Variants in CLSTN2 observed in about 807,000 individuals in gnomAD.
CLSTN2 encodes calsyntenin 2, also known as calsyntenin-2.
In CLSTN2, 48 loss-of-function variants were observed where a neutral mutation model predicts 101.2. The ratio of observed to expected loss-of-function variants is 0.47; its 90% CI spans 0.38 to 0.60. CLSTN2 has a LOEUF of 0.60. Ranked by LOEUF, CLSTN2 falls within the 20% of genes least tolerant of loss-of-function variation. The pLI, the probability that CLSTN2 is intolerant of heterozygous loss-of-function variation, is 0.00. For synonymous variants in CLSTN2, 481 were observed against 463.6 expected (o/e 1.04, Z -0.48); for missense variants, 1,160 against 1,238.2 (o/e 0.94, Z 0.95).
chr3:140,151,029 A>G (rs1448382520), intron 1 of CLSTN2, among the ~76,000 whole-genome samples: 1 of 151,940 alleles, frequency 6.6e-6, no homozygotes, highest in Non-Finnish European at 1.5e-5. Context: ...GATCTTCACA[A>G]TGGAAGGCCT....
chr3:140,228,677 AC>A (rs1266750972), intron 2 of CLSTN2, among the ~76,000 whole-genome samples: 1 of 152,200 alleles, frequency 6.6e-6, no homozygotes, highest in Non-Finnish European at 1.5e-5. Flanking sequence ...AATTCAACTT[AC>A]AGTTCCACGT....
intron 2 of CLSTN2, among the ~76,000 whole-genome samples, chr3:140,250,694 C>T (rs569957805): frequency 2.7e-3 from 410 of 152,226 alleles, no homozygotes; most frequent in Middle Eastern, 6.8e-3. Flanking sequence ...GATGAGCCTT[C>T]GCCAGGGATA....
intron 1 of CLSTN2, among the ~76,000 whole-genome samples, chr3:140,172,209 T>A (rs2010249075): frequency 6.7e-6 from 1 of 149,108 alleles, no homozygotes; most frequent in African/African-American, 2.5e-5. Flanking sequence ...ATATCCAGAC[T>A]TCTGTGAGGG....
At chr3:140,147,771 G>T (rs576092990) in intron 1 of CLSTN2, among the ~76,000 whole-genome samples, 1 of 152,086 alleles carries the variant, frequency 6.6e-6, no homozygotes, top group South Asian at 2.1e-4. Flanking sequence ...TTCCCTCCTC[G>T]CAACCCCTAA....
At chr3:140,332,172 C>T (rs1576519058) in intron 2 of CLSTN2, among the ~76,000 whole-genome samples, 2 of 152,180 alleles carry the variant, frequency 1.3e-5, no homozygotes, top group African/African-American at 4.8e-5. Context: ...ATTACCTGAG[C>T]TGTCTTAACA....
At chr3:139,946,918 A>C (rs1038830195) in intron 1 of CLSTN2, among the ~76,000 whole-genome samples, 5 of 152,148 alleles carry the variant, frequency 3.3e-5, no homozygotes, top group Non-Finnish European at 7.3e-5. Context: ...GAACTAGAAG[A>C]CTCAAGGCAG....
At chr3:140,108,210 A>G (rs1164262132) in intron 1 of CLSTN2, among the ~76,000 whole-genome samples, 1 of 152,230 alleles carries the variant, frequency 6.6e-6, no homozygotes, top group East Asian at 1.9e-4. Context: ...GCTGACACTG[A>G]CCATTTCCAA....
intron 2 of CLSTN2, among the ~76,000 whole-genome samples, chr3:140,267,666 G>A (rs947176618): frequency 6.6e-6 from 1 of 152,154 alleles, no homozygotes; most frequent in Non-Finnish European, 1.5e-5. Flanking sequence ...CAGAAGTTTT[G>A]CTGTGCCCCA....
intron 2 of CLSTN2, among the ~76,000 whole-genome samples, chr3:140,177,008 G>A (rs2107829408): frequency 6.6e-6 from 1 of 152,308 alleles, no homozygotes; most frequent in East Asian, 1.9e-4. Context: ...TAAGAGATAA[G>A]CTTTGTGAAG....
intron 1 of CLSTN2, among the ~76,000 whole-genome samples, chr3:140,041,647 C>T (rs939553156): frequency 6.6e-6 from 1 of 152,194 alleles, no homozygotes; most frequent in African/African-American, 2.4e-5. Flanking sequence ...GGCTTCCATG[C>T]TTTGCACATG....
intron 2 of CLSTN2, among the ~76,000 whole-genome samples, chr3:140,269,974 C>T (rs1415307747): frequency 6.6e-6 from 1 of 152,092 alleles, no homozygotes; most frequent in African/African-American, 2.4e-5. Flanking sequence ...AGAAAGAAAA[C>T]AAGAAAGAGG....
At chr3:140,016,938 G>A (rs192268411) in intron 1 of CLSTN2, among the ~76,000 whole-genome samples, 193 of 152,220 alleles carry the variant, frequency 1.3e-3, no homozygotes, top group Middle Eastern at 3.4e-3. Flanking sequence ...AAGTTTTAGG[G>A]GAGTCAAAAG....
chr3:140,553,921 G>T (rs1935753206), intron 10 of CLSTN2, among the ~76,000 whole-genome samples: 1 of 152,098 alleles, frequency 6.6e-6, no homozygotes, highest in African/African-American at 2.4e-5. Context: ...ACAAGTGAAA[G>T]AAAAAAGTCC....
chr3:140,018,339 C>T (rs577790881), intron 1 of CLSTN2, among the ~76,000 whole-genome samples: 61 of 152,284 alleles, frequency 4.0e-4, no homozygotes, highest in African/African-American at 1.4e-3. Context: ...GCCATAACTC[C>T]AGCAGCAGCA....
chr3:140,292,996 G>A (rs2086969336), intron 2 of CLSTN2, among the ~76,000 whole-genome samples: 1 of 152,210 alleles, frequency 6.6e-6, no homozygotes, highest in Non-Finnish European at 1.5e-5. Flanking sequence ...ACTTAGAGTA[G>A]ACGTGAGATA....
chr3:140,240,170 C>CTATATATA (rs2086449650), intron 2 of CLSTN2, among the ~76,000 whole-genome samples: 1 of 16,036 alleles, frequency 6.2e-5, no homozygotes, highest in Admixed American at 1.8e-3. Context: ...CTCTCTCTCT[C>CTATATATA]TCTCTATATA....
chr3:140,326,669 C>A (rs944737879), intron 2 of CLSTN2, among the ~76,000 whole-genome samples: 1 of 152,172 alleles, frequency 6.6e-6, no homozygotes, highest in Non-Finnish European at 1.5e-5. Flanking sequence ...AGCTACCACC[C>A]TTTTTGTCCT....
intron 1 of CLSTN2, among the ~76,000 whole-genome samples, chr3:140,162,958 GA>G (rs1202570171): frequency 6.6e-6 from 1 of 152,146 alleles, no homozygotes; most frequent in East Asian, 1.9e-4. Context: ...TTTGCCAGTA[GA>G]GAAACAAAAG....
intron 2 of CLSTN2, among the ~76,000 whole-genome samples, chr3:140,265,786 T>G (rs1347480785): frequency 5.3e-5 from 8 of 152,138 alleles, no homozygotes; most frequent in Non-Finnish European, 1.2e-4. Context: ...AGCAAGAATA[T>G]TACATATCAA....
Sources: allele counts gnomAD v4.1 joint callset (sites outside exome capture counted in the v4.1 genomes callset), GRCh38; gene constraint gnomAD v4.1.1; transcripts MANE v1.5; gene names NCBI Gene and HGNC (gene_info 2026-07-23, HGNC 2026-07-21).